RHEB: variants seen among roughly 807,000 people sequenced by gnomAD.
RHEB encodes the protein Ras homolog, mTORC1 binding.
Under a neutral mutation model 28.8 loss-of-function variants are expected in RHEB, and 2 were observed. The observed-to-expected ratio is 0.07, with a 90% CI of 0.03 to 0.22. The LOEUF is 0.22. Ranked by LOEUF, RHEB falls within the 10% of genes least tolerant of loss-of-function variation. RHEB has a pLI of 1.00. For missense variants in RHEB, 76 were observed against 219.9 expected (o/e 0.35, Z 4.14); for synonymous variants, 69 against 77.3 (o/e 0.89, Z 0.56).
At chr7:151,501,031 T>G (rs898557738) in intron 1 of RHEB, among the ~76,000 whole-genome samples, 8 of 152,110 alleles carry the variant, frequency 5.3e-5, no homozygotes, top group African/African-American at 1.9e-4. Context: ...ATCAAACTTC[T>G]AGAAGAAGCA....
intron 3 of RHEB, among the ~76,000 whole-genome samples, chr7:151,480,517 T>C (rs1253911618): frequency 6.6e-6 from 1 of 152,048 alleles, no homozygotes; most frequent in Admixed American, 6.6e-5. Context: ...GTTAGATAGC[T>C]AGGGTAGGAA....
rs2150917863 is a variant in RHEB, at chr7:151,466,361, A to AAC, written c.*756_*757dup. 1 of 152,462 alleles carries AAC rather than the reference A, an allele frequency of 6.6e-6. No homozygotes were observed. The highest frequency in any genetic ancestry group is 2.4e-5 in the African/African-American group (1 of 41,580). The allele number at this position is 152,462 out of a possible 1,614,324, so 9.4% of individuals were successfully genotyped here. A position where few individuals can be genotyped will look rare whatever the true frequency, so the allele number is the denominator to read the frequency against. Reference sequence around the variant, plus strand: ...TCGAGCTAAGCTATGAGCAAGGGCGAACAATGCCTCTCAGCAGCTCCTCCT... The same window carrying AAC: ...TCGAGCTAAGCTATGAGCAAGGGCGAACACAATGCCTCTCAGCAGCTCCTCCT... On this transcript the variant is annotated 3_prime_UTR_variant, in exon 8 of 8. Transcript: ENST00000262187.
rs1563091070 is a variant in RHEB at position 151,471,746 on chromosome 7, G to GT, written c.276-142dup. The GT allele has an allele frequency of 2.6e-5, 16 of 611,610 alleles. No homozygotes were observed. The South Asian group carries it at 3.7e-4, about 14-fold the overall frequency. The allele number at this position is 611,610 out of a possible 1,614,324, so 37.9% of individuals were successfully genotyped here. ...CATAAAATGAACACAAAGAACTCCT[G>GT]TTTTTTCCTAGCAATCCATTCACAT... On this transcript the variant is annotated intron_variant, in intron 4 of 7. Transcript: ENST00000262187.
At chr7:151,518,621 A>T (rs1435514615) in intron 1 of RHEB, among the ~76,000 whole-genome samples, 2 of 151,914 alleles carry the variant, frequency 1.3e-5, no homozygotes, top group East Asian at 3.9e-4. Flanking sequence ...CCGCCCCCCA[A>T]CCCGACCCTA....
intron 3 of RHEB, among the ~76,000 whole-genome samples, chr7:151,479,622 G>A (rs1230602329): frequency 1.3e-5 from 2 of 149,650 alleles, no homozygotes; most frequent in Non-Finnish European, 2.9e-5. Flanking sequence ...GGCGGAGCTT[G>A]CAGTGAGCCG....
intron 3 of RHEB, among the ~76,000 whole-genome samples, chr7:151,479,862 C>A (rs1436214023): frequency 2.0e-5 from 3 of 152,006 alleles, no homozygotes; most frequent in Non-Finnish European, 4.4e-5. Context: ...CACATCAACA[C>A]GCAAAGACCA....
chr7:151,470,736 AT>A, intron 6 of RHEB, 84 bp from the exon 7 acceptor site: 2 of 908,124 alleles, frequency 2.2e-6, no homozygotes, highest in Non-Finnish European at 1.7e-6. Context: ...AACAGGCTCC[AT>A]TTTGGTCAAT....
intron 1 of RHEB, among the ~76,000 whole-genome samples, chr7:151,507,492 G>C (rs756017394): frequency 3.9e-5 from 6 of 152,178 alleles, no homozygotes; most frequent in Admixed American, 6.5e-5. Flanking sequence ...TATAGAGTCA[G>C]ATGAGAGTGT....
intron 1 of RHEB, among the ~76,000 whole-genome samples, chr7:151,496,611 G>A (rs2150932100): frequency 6.6e-6 from 1 of 152,192 alleles, no homozygotes; most frequent in Middle Eastern, 3.4e-3. Flanking sequence ...CAGACGAAAA[G>A]GTTAGAAATA....
chr7:151,498,210 T>G, intron 1 of RHEB: 1 of 1,194,836 alleles, frequency 8.4e-7, no homozygotes, highest in Non-Finnish European at 1.1e-6. Flanking sequence ...TAAATAGAGT[T>G]TAAAGTACTG....
At chr7:151,485,675 G>GA in intron 2 of RHEB, among the ~76,000 whole-genome samples, 1 of 152,292 alleles carries the variant, frequency 6.6e-6, no homozygotes, top group South Asian at 2.1e-4. Flanking sequence ...ACCCACAGCA[G>GA]AAAGGCAAAG....
At chr7:151,469,192 G>A (rs1802116286) in intron 7 of RHEB, among the ~76,000 whole-genome samples, 1 of 152,164 alleles carries the variant, frequency 6.6e-6, no homozygotes, top group Non-Finnish European at 1.5e-5. Flanking sequence ...CCGCACATAA[G>A]AGGACATAAC....
intron 2 of RHEB, among the ~76,000 whole-genome samples, chr7:151,488,267 T>C (rs1426649259): frequency 6.6e-6 from 1 of 152,226 alleles, no homozygotes; most frequent in African/African-American, 2.4e-5. Context: ...TGTGGTTTTA[T>C]TAATATTATT....
chr7:151,500,606 A>T (rs6951071), intron 1 of RHEB, among the ~76,000 whole-genome samples: 1 of 152,158 alleles, frequency 6.6e-6, no homozygotes, highest in African/African-American at 2.4e-5. Context: ...CACACTTTGG[A>T]GCCAAGGTGC....
intron 1 of RHEB, among the ~76,000 whole-genome samples, chr7:151,495,787 C>T (rs1802662048): frequency 1.3e-5 from 2 of 151,856 alleles, no homozygotes; most frequent in South Asian, 4.2e-4. Flanking sequence ...CCTATCTCTA[C>T]AAAAAAAATA....
At chr7:151,481,305 G>T (rs1025084816) in intron 3 of RHEB, among the ~76,000 whole-genome samples, 1 of 152,140 alleles carries the variant, frequency 6.6e-6, no homozygotes, top group Admixed American at 6.5e-5. Context: ...AACCATAGTG[G>T]TATGGATGTA....
At chr7:151,511,651 A>C (rs185820305) in intron 1 of RHEB, among the ~76,000 whole-genome samples, 1 of 151,818 alleles carries the variant, frequency 6.6e-6, no homozygotes, top group African/African-American at 2.4e-5. Flanking sequence ...AGAACCTTTA[A>C]AATGTTAGAT....
chr7:151,510,468 A>G (rs1326568278), intron 1 of RHEB, among the ~76,000 whole-genome samples: 1 of 152,220 alleles, frequency 6.6e-6, no homozygotes, highest in African/African-American at 2.4e-5. Flanking sequence ...AAGGCTATTA[A>G]TACATGTGCA....
intron 1 of RHEB, among the ~76,000 whole-genome samples, chr7:151,496,926 C>G (rs1241499022): frequency 6.6e-6 from 1 of 151,404 alleles, no homozygotes. Context: ...ACTACAGGCA[C>G]CGACCACCAC....
Sources: gnomAD v4.1 joint callset for allele counts (sites outside exome capture counted in the v4.1 genomes callset) on GRCh38, gnomAD v4.1.1 for gene constraint, MANE v1.5 for transcripts, NCBI Gene and HGNC (gene_info 2026-07-23, HGNC 2026-07-21) for gene names.